The following PPP4R3B variants were observed in gnomAD, a reference collection of about 807,000 sequenced individuals.
PPP4R3B encodes the protein serine/threonine-protein phosphatase 4 regulatory subunit 3B.
PPP4R3B carries 52 observed loss-of-function variants against 95.4 expected under a neutral mutation model. That is an observed-to-expected ratio of 0.54 (90% confidence interval 0.44 to 0.69). The LOEUF is 0.69. PPP4R3B is among the 30% of genes least tolerant of loss of function. The probability of loss-of-function intolerance (pLI) is 0.00; values close to 1 mark genes in which losing one functional copy is unlikely to be tolerated. For missense variants in PPP4R3B, 1,003 were observed against 1,005.9 expected (o/e 1.00, Z 0.04); for synonymous variants, 407 against 343.9 (o/e 1.18, Z -2.03).
intron 5 of PPP4R3B, among the ~76,000 whole-genome samples, chr2:55,588,408 G>A (rs1243632628): frequency 6.6e-6 from 1 of 151,846 alleles, no homozygotes; most frequent in Non-Finnish European, 1.5e-5. Flanking sequence ...AGCTACTTGG[G>A]AGGCTGAGGC....
At chr2:55,615,353 GT>G (rs1360454520) in intron 2 of PPP4R3B, 97 bp downstream of exon 2, 17 of 926,600 alleles carry the variant, frequency 1.8e-5, no homozygotes, top group South Asian at 1.8e-4. Context: ...TACCAAACAT[GT>G]TTTTTTCTTG....
chr2:55,575,635 A>C (rs1163403360), intron 11 of PPP4R3B, among the ~76,000 whole-genome samples: 1 of 151,850 alleles, frequency 6.6e-6, no homozygotes, highest in Non-Finnish European at 1.5e-5. Context: ...ACGAGGTCTC[A>C]CTATGTTGCC....
chr2:55,609,039 C>G (rs899427425), intron 2 of PPP4R3B, among the ~76,000 whole-genome samples: 1 of 152,106 alleles, frequency 6.6e-6, no homozygotes. Flanking sequence ...AAGCAGCACT[C>G]GATGAGGTAT....
chr2:55,589,580 T>C (rs1275665782), intron 4 of PPP4R3B, among the ~76,000 whole-genome samples: 2 of 152,158 alleles, frequency 1.3e-5, no homozygotes, highest in Admixed American at 1.3e-4. Flanking sequence ...GAAAGACAAG[T>C]GCTAATTTCT....
At chr2:55,563,168 G>A (rs903014966) in intron 15 of PPP4R3B, among the ~76,000 whole-genome samples, 7 of 152,152 alleles carry the variant, frequency 4.6e-5, no homozygotes, top group Non-Finnish European at 8.8e-5. Flanking sequence ...GATTTCTTAG[G>A]ATATTTTAAT....
At chr2:55,568,731 C>T (rs1687610219) in intron 12 of PPP4R3B, among the ~76,000 whole-genome samples, 1 of 152,202 alleles carries the variant, frequency 6.6e-6, no homozygotes, top group Admixed American at 6.5e-5. Flanking sequence ...GTATTTACAG[C>T]AGTGCTGGTG....
At chr2:55,555,278 TA>T (rs372423262) in intron 16 of PPP4R3B, among the ~76,000 whole-genome samples, 146 of 108,878 alleles carry the variant, frequency 1.3e-3, no homozygotes, top group South Asian at 8.5e-3. Context: ...AGACTCCGTC[TA>T]AAAAAAAAAA....
At chr2:55,557,107 A>T (rs1036840497) in intron 16 of PPP4R3B, among the ~76,000 whole-genome samples, 3 of 152,178 alleles carry the variant, frequency 2.0e-5, no homozygotes, top group African/African-American at 7.2e-5. Context: ...AGGGAGCTTA[A>T]GGCCCAGAGA....
At chr2:55,615,583 C>G (rs992620816) in intron 1 of PPP4R3B, 77 bp from the exon 2 acceptor site, 3 of 1,037,928 alleles carry the variant, frequency 2.9e-6, no homozygotes, top group Admixed American at 2.3e-5. Flanking sequence ...ACATTAAAGC[C>G]GGGCGCAGTG....
intron 4 of PPP4R3B, among the ~76,000 whole-genome samples, chr2:55,595,633 AT>A (rs1405605376): frequency 1.3e-5 from 2 of 151,758 alleles, no homozygotes; most frequent in Non-Finnish European, 2.9e-5. Context: ...CCCCTTTTAC[AT>A]TTTTGCAAAT....
chr2:55,578,358 G>GCT lies in PPP4R3B; in HGVS notation c.1469-17_1469-16insAG. The GCT allele has an allele frequency of 7.4e-7, 1 of 1,353,918 alleles. No homozygotes were observed. The highest frequency in any genetic ancestry group is 9.6e-7 in the Non-Finnish European group (1 of 1,046,746). The allele number at this position is 1,353,918 out of a possible 1,614,324, so 83.9% of individuals were successfully genotyped here. ...AAAAAAAAATCTGAAAAAAAATATG[G>GCT]CAAGTTAGTTTTGATAAAGCCAACA... On this transcript the variant is annotated splice_polypyrimidine_tract_variant and intron_variant, in intron 9 of 16. Transcript: ENST00000616407.
chr2:55,617,476 C>A lies in PPP4R3B; in HGVS notation c.-191G>T. ...ACAAGAGCCACTGAGGCCTCTCCGC[C>A]CGGAGGCCCCGTTACCTCTCACTTC... On this transcript the variant is annotated 5_prime_UTR_variant, in exon 1 of 17. Transcript: ENST00000616407. 1 of 544,264 alleles carries A rather than the reference C, an allele frequency of 1.8e-6. No homozygotes were observed. Among genetic ancestry groups the A allele is most frequent in the Non-Finnish European group, 3.0e-6 (1 of 333,826 alleles). 33.7% of individuals were successfully genotyped at this position (544,264 alleles called of 1,614,324 possible). A position where few individuals can be genotyped will look rare whatever the true frequency, so the allele number is the denominator to read the frequency against.
chr2:55,564,641 G>A, intron 14 of PPP4R3B, 144 bp from the exon 15 acceptor site: 1 of 800,812 alleles, frequency 1.2e-6, no homozygotes, highest in South Asian at 2.0e-5. Context: ...TGTAATGATA[G>A]AAGATGTAGC....
chr2:55,561,650 G>C (rs1007083742), intron 15 of PPP4R3B, among the ~76,000 whole-genome samples: 2 of 152,240 alleles, frequency 1.3e-5, no homozygotes, highest in African/African-American at 4.8e-5. Flanking sequence ...TGGAGTCAAA[G>C]GAGATTATTT....
intron 10 of PPP4R3B, 91 bp from the exon 11 acceptor site, chr2:55,577,447 A>C: frequency 8.4e-7 from 1 of 1,185,290 alleles, no homozygotes; most frequent in Non-Finnish European, 1.1e-6. Flanking sequence ...GCATGTCTTC[A>C]ATCATAATCT....
At chr2:55,606,135 A>G (rs1693357333) in intron 2 of PPP4R3B, among the ~76,000 whole-genome samples, 1 of 152,138 alleles carries the variant, frequency 6.6e-6, no homozygotes, top group African/African-American at 2.4e-5. Context: ...CTTCCTCAAA[A>G]TAGCTTCACA....
intron 2 of PPP4R3B, among the ~76,000 whole-genome samples, chr2:55,610,147 T>A (rs1262768687): frequency 6.6e-6 from 1 of 152,202 alleles, no homozygotes; most frequent in African/African-American, 2.4e-5. Context: ...ATTTACTAAA[T>A]TTTCCAGCAC....
intron 12 of PPP4R3B, among the ~76,000 whole-genome samples, chr2:55,572,056 A>G (rs780657825): frequency 6.6e-6 from 1 of 152,364 alleles, no homozygotes; most frequent in South Asian, 2.1e-4. Flanking sequence ...GCCTTAATAA[A>G]GGTGCTGATA....
intron 4 of PPP4R3B, among the ~76,000 whole-genome samples, chr2:55,597,843 TA>T (rs1692017143): frequency 6.6e-6 from 1 of 152,188 alleles, no homozygotes; most frequent in Non-Finnish European, 1.5e-5. Flanking sequence ...CGGTGAATTT[TA>T]TGTTATGTAT....
Sources: allele counts gnomAD v4.1 joint callset (sites outside exome capture counted in the v4.1 genomes callset), GRCh38; gene constraint gnomAD v4.1.1; transcripts MANE v1.5; gene names NCBI Gene and HGNC (gene_info 2026-07-23, HGNC 2026-07-21).